The following ZNF644 variants were observed in gnomAD, a reference collection of about 807,000 sequenced individuals.
ZNF644 encodes the protein zinc finger motif enhancer binding protein 2.
ZNF644 carries 20 observed loss-of-function variants against 108.0 expected under a neutral mutation model. The observed-to-expected ratio is 0.19, with a 90% CI of 0.13 to 0.27. The LOEUF is 0.27. Among genes scored for constraint, ZNF644 ranks in the 10% least tolerant of loss-of-function variants. ZNF644 has a pLI of 1.00. For missense variants in ZNF644, 1,338 were observed against 1,548.9 expected (o/e 0.86, Z 2.29); for synonymous variants, 542 against 539.1 (o/e 1.01, Z -0.08).
chr1:90,987,023 T>A (rs1657167260), intron 1 of ZNF644, among the ~76,000 whole-genome samples: 1 of 148,470 alleles, frequency 6.7e-6, no homozygotes, highest in Non-Finnish European at 1.5e-5. Context: ...ACAAAAGCAG[T>A]ACTAAGAGAG....
chr1:90,925,973 A>G (rs760996949), intron 4 of ZNF644, among the ~76,000 whole-genome samples: 6 of 152,140 alleles, frequency 3.9e-5, no homozygotes, highest in Non-Finnish European at 8.8e-5. Context: ...CAGGAGGTAA[A>G]GCAAGTCTCG....
At chr1:90,950,304 G>GGGGAGGGCAGGGCAGGGCA (rs1652976478) in intron 2 of ZNF644, among the ~76,000 whole-genome samples, 1 of 62,328 alleles carries the variant, frequency 1.6e-5, no homozygotes, top group African/African-American at 6.8e-5. Context: ...GGGGAGGGGA[G>GGGGAGGGCAGGGCAGGGCA]GGGACAAAAG....
At chr1:90,969,721 T>C (rs1364506240) in intron 2 of ZNF644, among the ~76,000 whole-genome samples, 1 of 152,218 alleles carries the variant, frequency 6.6e-6, no homozygotes, top group African/African-American at 2.4e-5. Flanking sequence ...AATTGTTCTA[T>C]TATTATTGTT....
At chr1:90,960,621 A>C (rs1321040610) in intron 2 of ZNF644, among the ~76,000 whole-genome samples, 2 of 152,140 alleles carry the variant, frequency 1.3e-5, no homozygotes, top group Non-Finnish European at 2.9e-5. Context: ...TCCTGACGAC[A>C]CCCAATCTAG....
chr1:90,937,139 A>T (rs1363936512), intron 4 of ZNF644, among the ~76,000 whole-genome samples: 1 of 152,172 alleles, frequency 6.6e-6, no homozygotes, highest in African/African-American at 2.4e-5. Flanking sequence ...GCTTTTGAAC[A>T]TCAACCTCCC....
Position 90,916,635 on chromosome 1 carries a change from C to T in ZNF644, c.*163G>A. 1.4e-6 allele frequency: 1 copy of T among 727,032 alleles called. No individual in the cohort carries two copies. Among genetic ancestry groups the T allele is most frequent in the Non-Finnish European group, 2.3e-6 (1 of 436,662 alleles). The allele number at this position is 727,032 out of a possible 1,614,324, so 45.0% of individuals were successfully genotyped here. ...CACCCTATATAAAATATATAGACTACTTACTGTTTTAAGTATTCAATTTGC... is the reference window on the plus strand; with the variant it reads ...CACCCTATATAAAATATATAGACTATTTACTGTTTTAAGTATTCAATTTGC... On this transcript the variant is annotated 3_prime_UTR_variant, in exon 6 of 6. Coordinates refer to ENST00000337393, the MANE Select transcript of ZNF644 (RefSeq NM_201269.3).
At chr1:91,005,164 C>T (rs1659294992) in intron 1 of ZNF644, among the ~76,000 whole-genome samples, 1 of 151,952 alleles carries the variant, frequency 6.6e-6, no homozygotes, top group Admixed American at 6.5e-5. Flanking sequence ...CAGAAAGTAA[C>T]CAAAAGAGAG....
chr1:91,003,944 A>T (rs1659152475), intron 1 of ZNF644, among the ~76,000 whole-genome samples: 1 of 152,190 alleles, frequency 6.6e-6, no homozygotes, highest in African/African-American at 2.4e-5. Context: ...AAAGCACAAT[A>T]ACTAAAATGA....
At chr1:90,927,893 G>A (rs1251881798) in intron 4 of ZNF644, among the ~76,000 whole-genome samples, 2 of 151,720 alleles carry the variant, frequency 1.3e-5, no homozygotes, top group Non-Finnish European at 2.9e-5. Context: ...GCCCAGGCTG[G>A]AGTGCAACAG....
intron 1 of ZNF644, among the ~76,000 whole-genome samples, chr1:91,013,100 G>A (rs1660110260): frequency 6.6e-6 from 1 of 151,976 alleles, no homozygotes; most frequent in African/African-American, 2.4e-5. Context: ...TGGAGACTGA[G>A]TCTCACTCTG....
intron 2 of ZNF644, among the ~76,000 whole-genome samples, chr1:90,953,816 T>C (rs1272472461): frequency 6.6e-6 from 1 of 152,088 alleles, no homozygotes; most frequent in East Asian, 1.9e-4. Flanking sequence ...CTTGGGAGGC[T>C]GAGGCAGGAG....
At position 90,919,250 on chromosome 1, in the gene ZNF644, A is replaced by AG. The variant is rs200434889; in HGVS notation, c.3689-1097dup. Among the ~76,000 whole-genome samples, 1,027 of 152,192 alleles carry AG rather than the reference A, an allele frequency of 6.7e-3. 13 individuals are homozygous for AG. The highest frequency in any genetic ancestry group is 0.024 in the African/African-American group (980 of 41,552). On this transcript the variant is annotated intron_variant, in intron 4 of 5. Coordinates refer to ENST00000337393, the MANE Select transcript of ZNF644 (RefSeq NM_201269.3). ...GTAAGAATTTATCTGTAGGGATCCA[A>AG]GGGGGGAGGGATACAAATGTAACAG...
rs1472048755 is a variant in ZNF644, at chr1:90,950,281, GAA to G, written c.45-8974_45-8973del. Among the ~76,000 whole-genome samples the G allele has an allele frequency of 8.3e-4, 29 of 34,804 alleles. 2 individuals carry two copies. Among genetic ancestry groups the G allele is most frequent in the East Asian group, 1.0e-3 (1 of 960 alleles). 22.8% of individuals were successfully genotyped at this position (34,804 alleles called of 152,430 possible). A position where few individuals can be genotyped will look rare whatever the true frequency, so the allele number is the denominator to read the frequency against. ...GACAGAGTGAGATTCCATCTCAAGG[GAA>G]GGGAAGGGAAGGGGAGGGGAGGGGA... On this transcript the variant is annotated intron_variant, in intron 2 of 5. Coordinates refer to ENST00000337393, the MANE Select transcript of ZNF644 (RefSeq NM_201269.3).
intron 1 of ZNF644, among the ~76,000 whole-genome samples, chr1:90,999,291 A>G (rs919282843): frequency 6.6e-6 from 1 of 152,256 alleles, no homozygotes; most frequent in Non-Finnish European, 1.5e-5. Flanking sequence ...GCAGCCAGAC[A>G]GAAAGGTCAG....
chr1:90,971,545 G>C (rs1453243123), intron 2 of ZNF644, among the ~76,000 whole-genome samples: 3 of 151,984 alleles, frequency 2.0e-5, no homozygotes, highest in Non-Finnish European at 4.4e-5. Flanking sequence ...TCAGCCTCCT[G>C]AGTAGCTGGG....
intron 1 of ZNF644, among the ~76,000 whole-genome samples, chr1:90,999,152 A>G (rs1369300441): frequency 6.6e-6 from 1 of 152,220 alleles, no homozygotes; most frequent in Non-Finnish European, 1.5e-5. Flanking sequence ...TTCCCAACCT[A>G]GCAAGGCAGG....
At chr1:90,960,553 C>A (rs1048656361) in intron 2 of ZNF644, among the ~76,000 whole-genome samples, 1 of 152,072 alleles carries the variant, frequency 6.6e-6, no homozygotes, top group Non-Finnish European at 1.5e-5. Flanking sequence ...AATGGTTAAT[C>A]GTATGTAATG....
In ZNF644 at chr1:90,939,471, T is replaced by C; in HGVS notation, c.1883A>G (p.Asn628Ser). 1.2e-6 allele frequency: 2 copies of C among 1,613,762 alleles called. No individual in the cohort carries two copies. Among genetic ancestry groups the C allele is most frequent in the Non-Finnish European group, 1.7e-6 (2 of 1,179,894 alleles). Residue 628 changes from asparagine (N) to serine (S), a missense_variant, in exon 3 of 6, where the codon AAT (asparagine) becomes AGT (serine). Asn to Ser is a conservative substitution (Grantham distance 46). This residue lies in a region of ZNF644 where 462 missense variants were observed against 472.6 expected (regional missense o/e 0.98). Coordinates refer to ENST00000337393, the MANE Select transcript of ZNF644 (RefSeq NM_201269.3). Reference sequence around the variant, plus strand: ...ATCTACAGGTTCTTCAAGGATGTCATTTTTTCTTTTATCAAGTCCAAGAGG... The same window carrying C: ...ATCTACAGGTTCTTCAAGGATGTCACTTTTTCTTTTATCAAGTCCAAGAGG... Reference protein sequence around the residue: ...GSPLGLDKRKNDILEEPVDSD... With the variant: ...GSPLGLDKRKSDILEEPVDSD...
intron 1 of ZNF644, among the ~76,000 whole-genome samples, chr1:91,016,151 T>C (rs763294284): frequency 4.6e-5 from 7 of 152,190 alleles, no homozygotes; most frequent in African/African-American, 7.2e-5. Flanking sequence ...AGTGAGTCAG[T>C]AGCAAACAAA....
Sources: gnomAD v4.1 joint callset for allele counts (sites outside exome capture counted in the v4.1 genomes callset) on GRCh38, gnomAD v4.1.1 for gene constraint, gnomAD v4.1.1 regional missense constraint, MANE v1.5 for transcripts, NCBI Gene and HGNC (gene_info 2026-07-23, HGNC 2026-07-21) for gene names.